HIBCH: variants seen among roughly 807,000 people sequenced by gnomAD.
The protein encoded by HIBCH is 3-hydroxyisobutyryl-CoA hydrolase.
HIBCH carries 50 observed loss-of-function variants against 58.2 expected under a neutral mutation model. The observed-to-expected ratio is 0.86, with a 90% CI of 0.68 to 1.09. HIBCH has a LOEUF of 1.09. HIBCH is among the 50% of genes least tolerant of loss of function. The pLI, the probability that HIBCH is intolerant of heterozygous loss-of-function variation, is 0.00. For missense variants in HIBCH, 450 were observed against 449.7 expected (o/e 1.00, Z -0.01); for synonymous variants, 151 against 146.9 (o/e 1.03, Z -0.20).
intron 6 of HIBCH, among the ~76,000 whole-genome samples, chr2:190,273,801 T>G (rs1687471295): frequency 6.6e-6 from 1 of 152,132 alleles, no homozygotes; most frequent in African/African-American, 2.4e-5. Flanking sequence ...AATAAAATTA[T>G]TTCATCTCTT....
chr2:190,218,729 A>G (rs2105907394), intron 11 of HIBCH, among the ~76,000 whole-genome samples: 1 of 152,332 alleles, frequency 6.6e-6, no homozygotes, highest in South Asian at 2.1e-4. Context: ...TGGGATACCA[A>G]TCCCAGAGGA....
intron 6 of HIBCH, among the ~76,000 whole-genome samples, chr2:190,272,795 C>T (rs1687437307): frequency 1.3e-5 from 2 of 151,928 alleles, no homozygotes; most frequent in African/African-American, 4.8e-5. Flanking sequence ...AGGTCAAGTT[C>T]TTGGTAAGAA....
At chr2:190,312,116 G>A (rs993366818) in intron 1 of HIBCH, among the ~76,000 whole-genome samples, 4 of 152,108 alleles carry the variant, frequency 2.6e-5, no homozygotes, top group East Asian at 1.9e-4. Flanking sequence ...AGACAACACC[G>A]GGAACGGCAG....
intron 1 of HIBCH, among the ~76,000 whole-genome samples, chr2:190,198,395 C>CT (rs763837313): frequency 6.6e-6 from 1 of 152,102 alleles, no homozygotes; most frequent in East Asian, 1.9e-4. Flanking sequence ...AATCCAAGCA[C>CT]TTTGGGAGGC....
chr2:190,256,323 A>G (rs746359134), intron 7 of HIBCH, among the ~76,000 whole-genome samples: 2 of 152,024 alleles, frequency 1.3e-5, no homozygotes, highest in African/African-American at 2.4e-5. Context: ...CATGTTCCCC[A>G]CCATCTGGAC....
At chr2:190,219,112 T>C (rs1685644677) in intron 11 of HIBCH, among the ~76,000 whole-genome samples, 1 of 151,908 alleles carries the variant, frequency 6.6e-6, no homozygotes, top group Non-Finnish European at 1.5e-5. Flanking sequence ...TCCATTCACC[T>C]TGGCATTCCA....
chr2:190,288,927 C>G (rs918521478), intron 5 of HIBCH, among the ~76,000 whole-genome samples: 1 of 152,040 alleles, frequency 6.6e-6, no homozygotes, highest in African/African-American at 2.4e-5. Context: ...GCCTGGCCAA[C>G]AGGGTGAAAC....
Position 190,279,071 on chromosome 2 carries a change from T to C in HIBCH, c.438+8515A>G, listed in dbSNP as rs1376464725. Reference sequence around the variant, plus strand: ...AGCCAAGGTTGAAGGGCCATATCTGTTGAGGGCCTTCTTGCTGGTGGGGAC... The same window carrying C: ...AGCCAAGGTTGAAGGGCCATATCTGCTGAGGGCCTTCTTGCTGGTGGGGAC... On this transcript the variant is annotated intron_variant, in intron 6 of 13. Coordinates refer to ENST00000359678, the MANE Select transcript of HIBCH (RefSeq NM_014362.4). This position sits in a 1 kb window ranked among gnomAD's most constrained non-coding sequence, Gnocchi z 4.2. Among the ~76,000 whole-genome samples, 1 of 152,220 alleles carries C rather than the reference T, an allele frequency of 6.6e-6. No homozygotes were observed. The highest frequency in any genetic ancestry group is 2.4e-5 in the African/African-American group (1 of 41,456).
intron 1 of HIBCH, among the ~76,000 whole-genome samples, chr2:190,191,571 C>T (rs34113275): frequency 0.092 from 13,964 of 152,194 alleles, 1,651 homozygotes; most frequent in African/African-American, 0.27. Context: ...TTTCCAGAGG[C>T]CATGTCATTT....
intron 11 of HIBCH, among the ~76,000 whole-genome samples, chr2:190,239,777 G>A (rs577433408): frequency 6.6e-6 from 1 of 151,808 alleles, no homozygotes; most frequent in African/African-American, 2.4e-5. Flanking sequence ...AGCCTCCTGA[G>A]TAGCTGGGAT....
Position 190,252,279 on chromosome 2 carries a change from A to G in HIBCH, c.546T>C (p.Tyr182=). 1 of 1,613,718 alleles carries G rather than the reference A, an allele frequency of 6.2e-7. No homozygotes were observed. The highest frequency in any genetic ancestry group is 1.7e-5 in the Admixed American group (1 of 60,024). ...GTTTTCCTTGGAGTCGTGGCAAGAA[A>G]TAACCTCCACCCACATCAGGGAACA... ...IGLFPDVGGG[Y]FLPRLQGKLG... Residue 182 remains tyrosine, a synonymous_variant, in exon 8 of 14, where the codon TAT becomes TAC. Coordinates refer to ENST00000359678, the MANE Select transcript of HIBCH (RefSeq NM_014362.4).
chr2:190,259,237 T>C (rs1462231071), intron 7 of HIBCH, among the ~76,000 whole-genome samples: 2 of 152,156 alleles, frequency 1.3e-5, no homozygotes, highest in Non-Finnish European at 2.9e-5. Context: ...ATTCTTCCAA[T>C]CCATGAACAT....
At chr2:190,293,813 A>G (rs1403546766) in intron 4 of HIBCH, among the ~76,000 whole-genome samples, 1 of 151,740 alleles carries the variant, frequency 6.6e-6, no homozygotes, top group Non-Finnish European at 1.5e-5. Context: ...CTGTACATAT[A>G]ATATGGACAA....
rs1291966585 is a variant in HIBCH at position 190,254,660 on chromosome 2, C to T, written c.518-2353G>A. ...CTACACTGCTCCTTCCCTCATCAGCCTCATCCATCAAAGTAGCACAAGTTA... is the reference window on the plus strand; with the variant it reads ...CTACACTGCTCCTTCCCTCATCAGCTTCATCCATCAAAGTAGCACAAGTTA... On this transcript the variant is annotated intron_variant, in intron 7 of 13. Coordinates refer to ENST00000359678, the MANE Select transcript of HIBCH (RefSeq NM_014362.4). This position sits in a 1 kb window ranked among gnomAD's most constrained non-coding sequence, Gnocchi z 5.0. 6.6e-6 allele frequency among the ~76,000 whole-genome samples: 1 copy of T among 152,192 alleles called. No individual in the cohort carries two copies. The highest frequency in any genetic ancestry group is 1.9e-4 in the East Asian group (1 of 5,200).
At position 190,210,439 on chromosome 2, in the gene HIBCH, T is replaced by C. The variant is rs1690490830; in HGVS notation, c.1012-1526A>G. Among the ~76,000 whole-genome samples, 1 of 152,192 alleles carries C rather than the reference T, an allele frequency of 6.6e-6. No individual in the cohort carries two copies. Among genetic ancestry groups the C allele is most frequent in the Non-Finnish European group, 1.5e-5 (1 of 68,032 alleles). ...GCTCTTTCTCTACCACACCTCAAAA[T>C]GTTAGAGTTCCTTAGGGCTCAGGTC... On this transcript the variant is annotated intron_variant, in intron 12 of 13. Coordinates refer to ENST00000359678, the MANE Select transcript of HIBCH (RefSeq NM_014362.4). This position sits in a 1 kb window ranked among gnomAD's most constrained non-coding sequence, Gnocchi z 5.5.
intron 4 of HIBCH, among the ~76,000 whole-genome samples, chr2:190,294,143 T>C (rs1234829324): frequency 6.6e-6 from 1 of 150,988 alleles, no homozygotes; most frequent in Non-Finnish European, 1.5e-5. Flanking sequence ...GTTATGGAAA[T>C]ATGTGAGAGC....
intron 6 of HIBCH, among the ~76,000 whole-genome samples, chr2:190,266,781 G>C (rs1382423925): frequency 6.6e-6 from 1 of 151,816 alleles, no homozygotes; most frequent in East Asian, 1.9e-4. Flanking sequence ...TTTTGAGACA[G>C]AGTCCTGCTT....
chr2:190,262,048 A>ACTAAAACACAGTG (rs1687101327), intron 6 of HIBCH, among the ~76,000 whole-genome samples: 1 of 152,040 alleles, frequency 6.6e-6, no homozygotes, highest in African/African-American at 2.4e-5. Flanking sequence ...TAAAACTAAA[A>ACTAAAACACAGTG]CACAGTGCAC....
chr2:190,264,661 A>C (rs1293875052), intron 6 of HIBCH, among the ~76,000 whole-genome samples: 1 of 152,188 alleles, frequency 6.6e-6, no homozygotes, highest in African/African-American at 2.4e-5. Flanking sequence ...TGTATGAATA[A>C]ACAATTTGTT....
Sources: allele counts gnomAD v4.1 joint callset (sites outside exome capture counted in the v4.1 genomes callset), GRCh38; gene constraint gnomAD v4.1.1; non-coding constraint Gnocchi (gnomAD v3.1); transcripts MANE v1.5; gene names NCBI Gene and HGNC (gene_info 2026-07-23, HGNC 2026-07-21).